Variants in IL1RAPL1 observed in about 807,000 individuals in gnomAD.
IL1RAPL1 encodes interleukin-1 receptor accessory protein-like 1.
A neutral mutation model predicts 48.4 loss-of-function variants in IL1RAPL1; 3 were observed. The ratio of observed to expected loss-of-function variants is 0.06; its 90% CI spans 0.03 to 0.16. The LOEUF (loss-of-function observed/expected upper bound fraction) is 0.16. Ranked by LOEUF, IL1RAPL1 falls within the 10% of genes least tolerant of loss-of-function variation. The pLI, the probability that IL1RAPL1 is intolerant of heterozygous loss-of-function variation, is 1.00. For synonymous variants in IL1RAPL1, 185 were observed against 187.7 expected (o/e 0.99, Z 0.12); for missense variants, 349 against 530.6 (o/e 0.66, Z 3.36).
At chrX:29,202,473 C>A (rs749082431) in intron 2 of IL1RAPL1, among the ~76,000 whole-genome samples, 1 of 112,136 alleles carries the variant, frequency 8.9e-6, no homozygotes, top group South Asian at 3.7e-4. Context: ...GAACTCAAAG[C>A]AGAATTATCA....
intron 9 of IL1RAPL1, among the ~76,000 whole-genome samples, chrX:29,944,276 C>T (rs1021119242): frequency 4.5e-5 from 5 of 111,171 alleles, no homozygotes; most frequent in African/African-American, 6.5e-5. Flanking sequence ...TTACTAGAAC[C>T]GCAATCACAT....
At chrX:29,803,499 A>G (rs1930159925) in intron 6 of IL1RAPL1, among the ~76,000 whole-genome samples, 1 of 98,153 alleles carries the variant, frequency 1.0e-5, no homozygotes, top group African/African-American at 3.7e-5. Context: ...ATCTATGTAT[A>G]CATATGTGTA....
At chrX:29,738,435 TTTTTC>T (rs1372615923) in intron 6 of IL1RAPL1, among the ~76,000 whole-genome samples, 2 of 106,456 alleles carry the variant, frequency 1.9e-5, no homozygotes, top group Admixed American at 1.0e-4. Context: ...TTCATTTCAT[TTTTTC>T]TTTTCTTTTC....
chrX:29,350,546 A>G (rs938323369), intron 3 of IL1RAPL1, among the ~76,000 whole-genome samples: 7 of 105,931 alleles, frequency 6.6e-5, no homozygotes, highest in Non-Finnish European at 1.3e-4. Flanking sequence ...AGATCTGTGC[A>G]TGTTCAATTC....
intron 2 of IL1RAPL1, among the ~76,000 whole-genome samples, chrX:29,245,855 C>T (rs1931502075): frequency 9.0e-6 from 1 of 111,222 alleles, no homozygotes; most frequent in South Asian, 3.8e-4. Flanking sequence ...TTGCCCATGC[C>T]TATGTCCTGA....
rs142765278 is a variant in IL1RAPL1, at chrX:29,604,109, C to T, written c.704-64321C>T. Among the ~76,000 whole-genome samples the T allele has an allele frequency of 8.7e-3, 977 of 111,780 alleles. 9 individuals carry two copies. Among genetic ancestry groups the T allele is most frequent in the African/African-American group, 0.031 (944 of 30,768 alleles). ...TACAGATTTTTAAGGTAATGAAATC[C>T]ATAAATTCCTTTACATGGACAATAT... On this transcript the variant is annotated intron_variant, in intron 5 of 10. Transcript: ENST00000378993.
chrX:28,619,097 T>C (rs927156277), intron 1 of IL1RAPL1, among the ~76,000 whole-genome samples: 1 of 112,278 alleles, frequency 8.9e-6, no homozygotes, highest in Non-Finnish European at 1.9e-5. Flanking sequence ...GTTAAAGGAT[T>C]TATGTATCCA....
At chrX:29,328,658 G>C (rs868653356) in intron 3 of IL1RAPL1, among the ~76,000 whole-genome samples, 1,393 of 108,805 alleles carry the variant, frequency 0.013, 21 homozygotes, top group African/African-American at 0.044. Flanking sequence ...GAGAGAGAGA[G>C]AGAGAGAGAC....
intron 2 of IL1RAPL1, among the ~76,000 whole-genome samples, chrX:29,212,878 A>G (rs1018744088): frequency 2.7e-5 from 3 of 112,303 alleles, no homozygotes; most frequent in Non-Finnish European, 5.6e-5. Flanking sequence ...AAGGAACAGG[A>G]GGAGTTGGCC....
intron 3 of IL1RAPL1, among the ~76,000 whole-genome samples, chrX:29,333,585 A>ACCC (rs1466297973): frequency 1.4e-5 from 1 of 70,878 alleles, no homozygotes. Context: ...CGGGGGGCTG[A>ACCC]CCCCCCCACC....
intron 6 of IL1RAPL1, among the ~76,000 whole-genome samples, chrX:29,824,374 C>T (rs1277791803): frequency 8.9e-6 from 1 of 111,778 alleles, no homozygotes; most frequent in African/African-American, 3.3e-5. Flanking sequence ...AGAGTCTGAT[C>T]GGTAGTAGCG....
intron 6 of IL1RAPL1, among the ~76,000 whole-genome samples, chrX:29,894,375 G>T (rs1045769090): frequency 1.4e-4 from 16 of 112,277 alleles, no homozygotes; most frequent in African/African-American, 5.2e-4. Context: ...AGAAAAAATT[G>T]TAAAATGTGT....
intron 5 of IL1RAPL1, among the ~76,000 whole-genome samples, chrX:29,450,240 G>A (rs1434797350): frequency 8.9e-6 from 1 of 112,035 alleles, no homozygotes; most frequent in Non-Finnish European, 1.9e-5. Context: ...TACATTCTGA[G>A]ATGGCTTCAG....
At chrX:29,925,825 C>T (rs1448329760) in intron 8 of IL1RAPL1, among the ~76,000 whole-genome samples, 1 of 112,045 alleles carries the variant, frequency 8.9e-6, no homozygotes, top group Non-Finnish European at 1.9e-5. Context: ...CAGGCATGAG[C>T]CACTGTGCCC....
At chrX:29,915,671 G>A (rs1338920199) in intron 6 of IL1RAPL1, among the ~76,000 whole-genome samples, 1 of 101,925 alleles carries the variant, frequency 9.8e-6, no homozygotes, top group Non-Finnish European at 2.0e-5. Flanking sequence ...CTCCTTCCTT[G>A]CTCCTTAGGA....
At chrX:29,920,794 C>CAAAAAAAAAAAAAA (rs1176529100) in intron 8 of IL1RAPL1, among the ~76,000 whole-genome samples, 19 of 31,571 alleles carry the variant, frequency 6.0e-4, no homozygotes, top group Non-Finnish European at 6.8e-4. Flanking sequence ...GACCCTGTCT[C>CAAAAAAAAAAAAAA]AAAAAAAAAA....
At chrX:28,622,660 G>A (rs1010009681) in intron 1 of IL1RAPL1, among the ~76,000 whole-genome samples, 2 of 111,657 alleles carry the variant, frequency 1.8e-5, no homozygotes, top group African/African-American at 3.3e-5. Flanking sequence ...ATTACTTGGG[G>A]TATAAAATGC....
intron 2 of IL1RAPL1, among the ~76,000 whole-genome samples, chrX:29,214,507 C>G (rs1323077691): frequency 2.7e-5 from 3 of 111,385 alleles, no homozygotes; most frequent in East Asian, 5.6e-4. Flanking sequence ...GTTCTCATTA[C>G]TTTTGTGCAT....
intron 2 of IL1RAPL1, among the ~76,000 whole-genome samples, chrX:28,907,487 T>G (rs1052453903): frequency 1.8e-5 from 2 of 112,213 alleles, no homozygotes; most frequent in Admixed American, 9.4e-5. Context: ...ACTCCTGACC[T>G]CAAGTGATGC....
Sources: gnomAD v4.1 joint callset for allele counts (sites outside exome capture counted in the v4.1 genomes callset) on GRCh38, gnomAD v4.1.1 for gene constraint, MANE v1.5 for transcripts, NCBI Gene and HGNC (gene_info 2026-07-23, HGNC 2026-07-21) for gene names.